MDFIC2: variants seen among roughly 807,000 people sequenced by gnomAD.
MDFIC2 encodes the protein MyoD family inhibitor domain containing 2, also known as myoD family inhibitor domain-containing protein 2.
intron 2 of MDFIC2, among the ~76,000 whole-genome samples, chr3:70,236,603 T>C (rs1006917091): frequency 6.6e-6 from 1 of 151,640 alleles, no homozygotes; most frequent in African/African-American, 2.4e-5. Flanking sequence ...ACTAGAAAAC[T>C]TTTTTTTTCT....
chr3:70,307,827 A>G (rs1220841750), intron 2 of MDFIC2, among the ~76,000 whole-genome samples: 1 of 152,098 alleles, frequency 6.6e-6, no homozygotes, highest in African/African-American at 2.4e-5. Context: ...GTCAGCACTC[A>G]ATCGGTTTTC....
Position 70,260,718 on chromosome 3 carries a change from T to C in MDFIC2, c.88+51168A>G, listed in dbSNP as rs1373159082. 2.0e-5 allele frequency among the ~76,000 whole-genome samples: 3 copies of C among 152,060 alleles called. No individual in the cohort carries two copies. In the East Asian group the frequency reaches 5.8e-4, roughly 29 times the overall value. ...CAGCACCTGGGATACCTATAACTTA[T>C]CCCTCCCCTTTCACTTTCAGATTTA... On this transcript the variant is annotated intron_variant, in intron 2 of 3. Coordinates refer to ENST00000567252, the MANE Select transcript of MDFIC2 (RefSeq NM_001364677.1).
At chr3:70,244,404 TTCTA>T (rs1701687620) in intron 2 of MDFIC2, among the ~76,000 whole-genome samples, 1 of 152,340 alleles carries the variant, frequency 6.6e-6, no homozygotes, top group Non-Finnish European at 1.5e-5. Context: ...CAAAAGGGCA[TTCTA>T]TTTGCTACTG....
chr3:70,263,970 A>C (rs931821846), intron 2 of MDFIC2, among the ~76,000 whole-genome samples: 11 of 152,216 alleles, frequency 7.2e-5, no homozygotes, highest in African/African-American at 2.7e-4. Flanking sequence ...CAACAGCAGA[A>C]GGATGATTCA....
At chr3:70,216,473 C>T (rs755450646) in intron 2 of MDFIC2, among the ~76,000 whole-genome samples, 3 of 152,016 alleles carry the variant, frequency 2.0e-5, no homozygotes, top group Non-Finnish European at 2.9e-5. Context: ...ACAGAAAACG[C>T]GGGGATATCA....
At chr3:70,248,569 A>G (rs776045027) in intron 2 of MDFIC2, among the ~76,000 whole-genome samples, 5 of 152,110 alleles carry the variant, frequency 3.3e-5, no homozygotes, top group Admixed American at 6.6e-5. Context: ...TCAAATTTAG[A>G]AAGAGAATGT....
At chr3:70,257,306 G>A (rs1212630253) in intron 2 of MDFIC2, among the ~76,000 whole-genome samples, 2 of 152,166 alleles carry the variant, frequency 1.3e-5, no homozygotes, top group Non-Finnish European at 2.9e-5. Context: ...TTTGGTAATG[G>A]AGATATTGGG....
At chr3:70,198,428 A>G (rs1001106903) in intron 3 of MDFIC2, among the ~76,000 whole-genome samples, 1 of 152,120 alleles carries the variant, frequency 6.6e-6, no homozygotes, top group African/African-American at 2.4e-5. Context: ...TTCTTTCATT[A>G]TTCATATAAT....
intron 2 of MDFIC2, among the ~76,000 whole-genome samples, chr3:70,298,970 G>T (rs1702318793): frequency 6.6e-6 from 1 of 152,128 alleles, no homozygotes; most frequent in African/African-American, 2.4e-5. Context: ...CTAAGCTGAG[G>T]CATTGATGTG....
At chr3:70,284,084 G>A (rs555929244) in intron 2 of MDFIC2, among the ~76,000 whole-genome samples, 5 of 152,136 alleles carry the variant, frequency 3.3e-5, no homozygotes, top group Non-Finnish European at 7.4e-5. Flanking sequence ...ACCTCAGTTG[G>A]ACTGGTTTTC....
At chr3:70,244,575 A>G (rs1701689234) in intron 2 of MDFIC2, among the ~76,000 whole-genome samples, 1 of 152,248 alleles carries the variant, frequency 6.6e-6, no homozygotes, top group South Asian at 2.1e-4. Context: ...AGAAGAGACA[A>G]GATTGACTGG....
intron 2 of MDFIC2, among the ~76,000 whole-genome samples, chr3:70,220,904 C>T (rs557831448): frequency 1.3e-5 from 2 of 152,218 alleles, no homozygotes; most frequent in African/African-American, 4.8e-5. Context: ...CCTTGGCATT[C>T]CTGAGCTTAG....
rs1348996848 is a variant in MDFIC2 at position 70,196,020 on chromosome 3, C to G, written c.*906G>C. On this transcript the variant is annotated 3_prime_UTR_variant, in exon 4 of 4. Coordinates refer to ENST00000567252, the MANE Select transcript of MDFIC2 (RefSeq NM_001364677.1). ...TAAGAAGCTTGGTGCTGAATAAGTA[C>G]CCTCAACGCTTATTTCTTTCTGGTG... Among the ~76,000 whole-genome samples, 1 of 152,092 alleles carries G rather than the reference C, an allele frequency of 6.6e-6. No homozygotes were observed. Among genetic ancestry groups the G allele is most frequent in the East Asian group, 1.9e-4 (1 of 5,184 alleles).
chr3:70,215,013 T>C, intron 2 of MDFIC2, among the ~76,000 whole-genome samples: 1 of 152,046 alleles, frequency 6.6e-6, no homozygotes, highest in Admixed American at 6.6e-5. Context: ...ATACAGTCAA[T>C]TTTTTTACTA....
chr3:70,305,334 C>G (rs1351176644), intron 2 of MDFIC2, among the ~76,000 whole-genome samples: 1 of 151,978 alleles, frequency 6.6e-6, no homozygotes, highest in Non-Finnish European at 1.5e-5. Context: ...TTAATGAAAA[C>G]TACAGAAATA....
intron 2 of MDFIC2, among the ~76,000 whole-genome samples, chr3:70,252,353 C>T (rs1701777707): frequency 6.6e-6 from 1 of 152,082 alleles, no homozygotes; most frequent in Admixed American, 6.6e-5. Context: ...TAGGTGTCAC[C>T]CCATTTGCTT....
At chr3:70,259,875 T>C (rs1701849580) in intron 2 of MDFIC2, among the ~76,000 whole-genome samples, 1 of 151,744 alleles carries the variant, frequency 6.6e-6, no homozygotes. Flanking sequence ...TGGTGGAAGG[T>C]GGAGGGGAAG....
chr3:70,277,233 C>T (rs1314720644), intron 2 of MDFIC2, among the ~76,000 whole-genome samples: 2 of 151,976 alleles, frequency 1.3e-5, no homozygotes, highest in African/African-American at 4.8e-5. Context: ...AAATACAATA[C>T]GAAAAAGGCT....
At chr3:70,198,082 A>T (rs192661939) in intron 3 of MDFIC2, among the ~76,000 whole-genome samples, 1 of 152,190 alleles carries the variant, frequency 6.6e-6, no homozygotes, top group East Asian at 1.9e-4. Context: ...AAGTTAAAAA[A>T]GTCTAAAAAA....
Sources: gnomAD v4.1 joint callset for allele counts (sites outside exome capture counted in the v4.1 genomes callset) on GRCh38, gnomAD v4.1.1 for gene constraint, MANE v1.5 for transcripts, NCBI Gene and HGNC (gene_info 2026-07-23, HGNC 2026-07-21) for gene names.